The following TNFRSF8 variants were observed in gnomAD, a reference collection of about 807,000 sequenced individuals.
TNFRSF8 encodes the protein tumor necrosis factor receptor superfamily member 8.
In TNFRSF8, 26 loss-of-function variants were observed where a neutral mutation model predicts 70.8. The observed-to-expected ratio is 0.37, with a 90% CI of 0.27 to 0.51. The LOEUF is 0.51. Ranked by LOEUF, TNFRSF8 falls within the 20% of genes least tolerant of loss-of-function variation. The pLI, the probability that TNFRSF8 is intolerant of heterozygous loss-of-function variation, is 0.94. For synonymous variants in TNFRSF8, 356 were observed against 339.2 expected (o/e 1.05, Z -0.54); for missense variants, 720 against 807.9 (o/e 0.89, Z 1.32).
chr1:12,098,598 A>G (rs1641369525), intron 3 of TNFRSF8, among the ~76,000 whole-genome samples: 1 of 152,212 alleles, frequency 6.6e-6, no homozygotes, highest in Non-Finnish European at 1.5e-5. Flanking sequence ...GTATCAGAAA[A>G]AGAAAGCGAA....
At chr1:12,140,823 C>T (rs1642238493) in intron 14 of TNFRSF8, among the ~76,000 whole-genome samples, 1 of 151,864 alleles carries the variant, frequency 6.6e-6, no homozygotes. Flanking sequence ...CTGACCCCAC[C>T]CGCCTCTCAT....
intron 7 of TNFRSF8, 106 bp from the exon 8 acceptor site, chr1:12,115,471 T>C (rs1458607218): frequency 6.4e-6 from 8 of 1,243,100 alleles, no homozygotes; most frequent in Non-Finnish European, 9.4e-6. Context: ...TATTTTCTTG[T>C]TGGATGACCC....
Position 12,063,533 on chromosome 1 carries a change from C to A in TNFRSF8, c.-66C>A. On this transcript the variant is annotated 5_prime_UTR_variant, in exon 1 of 15. Transcript: ENST00000263932. The surrounding 1 kb of genome is among the most constrained non-coding windows in gnomAD (Gnocchi z 7.2). ...GAACCGCCGGGACCGCACGTGGGCG[C>A]CGCGCGCTTCCCCCGCTTCCCAGGT... The A allele has an allele frequency of 2.3e-6, 3 of 1,279,834 alleles. No individual in the cohort carries two copies. Among genetic ancestry groups the A allele is most frequent in the Non-Finnish European group, 3.0e-6 (3 of 1,006,352 alleles). The allele number at this position is 1,279,834 out of a possible 1,614,324, so 79.3% of individuals were successfully genotyped here.
rs1003596987 is a variant in TNFRSF8 at position 12,142,209 on chromosome 1, C to T, written c.1544-78C>T. The stretch of plus-strand genomic sequence containing the variant: ...CGGCAGGTGTACCAGCACTGGGCCT[C>T]GGCCCTTCTCTGCCTCTTTGCTCCC... On this transcript the variant is annotated intron_variant, in intron 14 of 14. Transcript: ENST00000263932. The surrounding 1 kb of genome is among the most constrained non-coding windows in gnomAD (Gnocchi z 5.0). The T allele has an allele frequency of 1.1e-5, 17 of 1,478,880 alleles. No homozygotes were observed. Among genetic ancestry groups the T allele is most frequent in the Admixed American group, 4.7e-5 (2 of 42,548 alleles). 91.6% of individuals were successfully genotyped at this position (1,478,880 alleles called of 1,614,324 possible).
At chr1:12,127,308 A>C (rs556182394) in intron 12 of TNFRSF8, among the ~76,000 whole-genome samples, 1 of 152,238 alleles carries the variant, frequency 6.6e-6, no homozygotes, top group African/African-American at 2.4e-5. Context: ...GTACTCCCCC[A>C]GTGATGACCT....
chr1:12,089,679 T>C (rs1570008630), intron 2 of TNFRSF8, among the ~76,000 whole-genome samples: 1 of 152,206 alleles, frequency 6.6e-6, no homozygotes, highest in African/African-American at 2.4e-5. Context: ...AACCCACTAG[T>C]AGGGGAGGTG....
chr1:12,097,108 C>G lies in TNFRSF8; in HGVS notation c.159C>G (p.Phe53Leu), dbSNP rs756317001. Residue 53 changes from phenylalanine to leucine, a missense_variant, in exon 3 of 15, where the codon TTC (phenylalanine) becomes TTG (leucine). Phe to Leu is a conservative substitution (Grantham distance 22, BLOSUM62 0). Coordinates refer to ENST00000263932, the MANE Select transcript of TNFRSF8 (RefSeq NM_001243.5). ...CTCTGTTTCTTTTCCCAGGGCTGTT[C>G]CCGACACAGCAGTGCCCACAGAGGC... The part of the protein sequence containing the change: ...RCCYRCPMGL[F>L]PTQQCPQRPT... 1.6e-5 allele frequency: 26 copies of G among 1,613,478 alleles called. No individual in the cohort carries two copies. The highest frequency in any genetic ancestry group is 2.2e-5 in the Non-Finnish European group (26 of 1,179,706).
intron 1 of TNFRSF8, among the ~76,000 whole-genome samples, chr1:12,076,097 C>CTTTTTTTTTTT (rs397829917): frequency 5.7e-5 from 8 of 139,478 alleles, no homozygotes; most frequent in East Asian, 2.0e-4. Flanking sequence ...TTTTTTTTTT[C>CTTTTTTTTTTT]TTTTTCTTTT....
At chr1:12,092,656 C>T (rs1350210622) in intron 2 of TNFRSF8, among the ~76,000 whole-genome samples, 26 of 150,278 alleles carry the variant, frequency 1.7e-4, no homozygotes, top group African/African-American at 5.1e-4. Flanking sequence ...TACAGGCGCC[C>T]GCCACCACAC....
chr1:12,093,230 G>A (rs1641275459), intron 2 of TNFRSF8, among the ~76,000 whole-genome samples: 1 of 152,150 alleles, frequency 6.6e-6, no homozygotes, highest in Non-Finnish European at 1.5e-5. Context: ...AGGTACTGGG[G>A]GTTAGGACTC....
intron 2 of TNFRSF8, among the ~76,000 whole-genome samples, chr1:12,091,746 C>T (rs916712301): frequency 2.0e-5 from 3 of 152,154 alleles, no homozygotes; most frequent in Admixed American, 6.5e-5. Context: ...AACCAGTGGT[C>T]CCCAACCTTT....
intron 8 of TNFRSF8, among the ~76,000 whole-genome samples, chr1:12,116,130 C>T (rs976414371): frequency 2.0e-5 from 3 of 152,160 alleles, no homozygotes; most frequent in Non-Finnish European, 2.9e-5. Flanking sequence ...TACAAGCATT[C>T]GCCACCACAG....
At chr1:12,085,516 C>T (rs1443177501) in intron 2 of TNFRSF8, among the ~76,000 whole-genome samples, 1 of 152,126 alleles carries the variant, frequency 6.6e-6, no homozygotes, top group Non-Finnish European at 1.5e-5. Flanking sequence ...CCTCCCAAAG[C>T]ACTGGGATTA....
At chr1:12,129,337 T>A (rs1268865115) in intron 12 of TNFRSF8, among the ~76,000 whole-genome samples, 2 of 152,156 alleles carry the variant, frequency 1.3e-5, no homozygotes, top group East Asian at 3.8e-4. Context: ...AAAACTTCAG[T>A]GTGTGTTTCA....
intron 8 of TNFRSF8, among the ~76,000 whole-genome samples, chr1:12,116,302 C>G (rs1286698445): frequency 6.6e-6 from 1 of 152,114 alleles, no homozygotes; most frequent in Non-Finnish European, 1.5e-5. Context: ...AAATCTTGAC[C>G]TGTTTGCAAG....
chr1:12,104,715 A>C (rs1181362540), intron 4 of TNFRSF8, among the ~76,000 whole-genome samples, 184 bp downstream of exon 4: 1 of 151,758 alleles, frequency 6.6e-6, no homozygotes, highest in Non-Finnish European at 1.5e-5. Flanking sequence ...GCCCTCCCCC[A>C]CCTTGTGTTC....
chr1:12,122,116 G>T (rs561319406), intron 8 of TNFRSF8, among the ~76,000 whole-genome samples: 2 of 152,142 alleles, frequency 1.3e-5, no homozygotes, highest in African/African-American at 4.8e-5. Flanking sequence ...GGATGAGAAT[G>T]TTCTGTATTT....
intron 3 of TNFRSF8, 57 bp from the exon 4 acceptor site, chr1:12,104,322 A>G: frequency 1.9e-6 from 3 of 1,597,972 alleles, no homozygotes; most frequent in South Asian, 1.1e-5. Flanking sequence ...CTCAAGAGCT[A>G]TCTGGAGAGA....
rs1458143839 is a variant in TNFRSF8, at chr1:12,109,507, T to C, written c.422-59T>C. ...CTGGCCTGTGGTAGTGAAGGGTGTA[T>C]TCCGGGAGACTTTGGGTCCCCAACA... On this transcript the variant is annotated intron_variant, in intron 4 of 14. Coordinates refer to ENST00000263932, the MANE Select transcript of TNFRSF8 (RefSeq NM_001243.5). This position sits in a 1 kb window ranked among gnomAD's most constrained non-coding sequence, Gnocchi z 4.4. 2 of 1,433,778 alleles carry C rather than the reference T, an allele frequency of 1.4e-6. No individual in the cohort carries two copies. The highest frequency in any genetic ancestry group is 2.8e-5 in the African/African-American group (2 of 71,486). 88.8% of individuals were successfully genotyped at this position (1,433,778 alleles called of 1,614,324 possible). A position where few individuals can be genotyped will look rare whatever the true frequency, so the allele number is the denominator to read the frequency against.
Sources: gnomAD v4.1 joint callset for allele counts (sites outside exome capture counted in the v4.1 genomes callset) on GRCh38, gnomAD v4.1.1 for gene constraint, Gnocchi (gnomAD v3.1) non-coding constraint, MANE v1.5 for transcripts, NCBI Gene and HGNC (gene_info 2026-07-23, HGNC 2026-07-21) for gene names.